The following OTOL1 variants were observed in gnomAD, a reference collection of about 807,000 sequenced individuals.
OTOL1 encodes the protein otolin 1.
A neutral mutation model predicts 25.0 loss-of-function variants in OTOL1; 31 were observed. That is an observed-to-expected ratio of 1.24 (90% CI 0.93 to 1.67). OTOL1 has a LOEUF of 1.67. Ranked by LOEUF, OTOL1 falls within the 40% of genes most tolerant of loss-of-function variation. The pLI is 0.00. For synonymous variants in OTOL1, 225 were observed against 210.3 expected, an observed-to-expected ratio of 1.07 and a Z score of -0.61; for missense variants, 654 against 587.7, an observed-to-expected ratio of 1.11 and a Z score of -1.17.
chr3:161,499,282 A>G, intron 2 of OTOL1, 22 bp downstream of exon 2: 1 of 1,546,594 alleles, frequency 6.5e-7, no homozygotes, highest in East Asian at 2.3e-5. Context: ...ATTCATGTCA[A>G]AACTCAAGGG....
intron 1 of OTOL1, 136 bp from the exon 2 acceptor site, chr3:161,499,035 G>A: frequency 4.1e-6 from 3 of 724,532 alleles, no homozygotes; most frequent in East Asian, 2.7e-5. Context: ...ACTCTGTGTG[G>A]TTTATTCTTA....
At chr3:161,500,912 G>A (rs756046998) in intron 2 of OTOL1, among the ~76,000 whole-genome samples, 6 of 152,166 alleles carry the variant, frequency 3.9e-5, no homozygotes, top group African/African-American at 9.7e-5. Flanking sequence ...ACTGGAGGGA[G>A]TCTATTCTCA....
chr3:161,500,294 T>G (rs879728925), intron 2 of OTOL1, among the ~76,000 whole-genome samples: 2 of 152,164 alleles, frequency 1.3e-5, no homozygotes, highest in African/African-American at 2.4e-5. Flanking sequence ...CTTGGAAACA[T>G]TTAATCCTTT....
chr3:161,503,702 G>A lies in OTOL1; in HGVS notation c.1194G>A (p.Gly398=), dbSNP rs370017835. Residue 398 remains glycine (G), a synonymous_variant, in exon 4 of 4, where the codon GGG becomes GGA. Coordinates refer to ENST00000327928, the MANE Select transcript of OTOL1 (RefSeq NM_001080440.1). ...YVFSYHITVR[G]RPARISLVAQ... ...TTTCCTACCATATTACGGTGAGGGGGCGACCTGCTCGAATCAGTCTGGTGG... is the reference window on the plus strand; with the variant it reads ...TTTCCTACCATATTACGGTGAGGGGACGACCTGCTCGAATCAGTCTGGTGG... 4.1e-5 allele frequency: 66 copies of A among 1,613,520 alleles called. No homozygotes were observed. Among genetic ancestry groups the A allele is most frequent in the Non-Finnish European group, 5.3e-5 (62 of 1,179,752 alleles).
intron 3 of OTOL1, among the ~76,000 whole-genome samples, chr3:161,502,607 C>G (rs975346169): frequency 2.6e-5 from 4 of 152,126 alleles, no homozygotes; most frequent in African/African-American, 7.2e-5. Flanking sequence ...ATAAAAATCC[C>G]TCACTCGTTC....
At position 161,496,872 on chromosome 3, in the gene OTOL1, T is replaced by C. The variant is rs775178170; in HGVS notation, c.65T>C (p.Ile22Thr). The change falls in exon 1 of 4, where the codon ATA becomes ACA. Residue 22 changes from isoleucine (I) to threonine (T), a missense_variant. Ile to Thr is a moderately conservative substitution (Grantham distance 89). Transcript: ENST00000327928. The stretch of plus-strand genomic sequence containing the variant: ...TTGGCTATTGCTGGTATGAACACAA[T>C]AGCAAAGACCACACCACATACCAAA... ...IILAIAGMNTIAKTTPHTKFT... is the reference protein window; with the variant it reads ...IILAIAGMNTTAKTTPHTKFT... The C allele has an allele frequency of 5.6e-6, 9 of 1,612,516 alleles. No homozygotes were observed. The highest frequency in any genetic ancestry group is 1.7e-5 in the Admixed American group (1 of 59,694).
chr3:161,503,453 C>T lies in OTOL1; in HGVS notation c.945C>T (p.Asn315=). Residue 315 remains asparagine (N), a synonymous_variant, in exon 4 of 4, where the codon AAC becomes AAT. Transcript: ENST00000327928. ...GPTGPKGDIG[N]KGVRGPTGKK... ...CTGGGCCGAAGGGTGACATTGGCAA[C>T]AAAGGGGTCCGAGGCCCCACTGGGA... 1 of 1,613,530 alleles carries T rather than the reference C, an allele frequency of 6.2e-7. No homozygotes were observed. The highest frequency in any genetic ancestry group is 8.5e-7 in the Non-Finnish European group (1 of 1,179,720).
chr3:161,499,102 T>C, intron 1 of OTOL1, 69 bp from the exon 2 acceptor site: 1 of 1,250,262 alleles, frequency 8.0e-7, no homozygotes, highest in Admixed American at 2.2e-5. Flanking sequence ...ATGCTTTTTT[T>C]CTTTCCTGAA....
chr3:161,501,923 G>A (rs1266990168), intron 2 of OTOL1, among the ~76,000 whole-genome samples: 1 of 152,144 alleles, frequency 6.6e-6, no homozygotes, highest in African/African-American at 2.4e-5. Flanking sequence ...CTAAAGTGCA[G>A]CGGTGTGATC....
intron 1 of OTOL1, among the ~76,000 whole-genome samples, chr3:161,497,567 C>A (rs772029610): frequency 2.6e-5 from 4 of 152,018 alleles, no homozygotes; most frequent in Non-Finnish European, 4.4e-5. Context: ...ATTACCAGTA[C>A]AATTTTTTAA....
rs1719017555 is a variant in OTOL1, at chr3:161,503,183, C to T, written c.675C>T (p.Ala225=). 1 of 1,408,830 alleles carries T rather than the reference C, an allele frequency of 7.1e-7. No individual in the cohort carries two copies. Among genetic ancestry groups the T allele is most frequent in the Non-Finnish European group, 9.2e-7 (1 of 1,089,766 alleles). The allele number at this position is 1,408,830 out of a possible 1,614,324, so 87.3% of individuals were successfully genotyped here. Residue 225 remains alanine (A), a synonymous_variant, in exon 4 of 4, where the codon GCC becomes GCT. Coordinates refer to ENST00000327928, the MANE Select transcript of OTOL1 (RefSeq NM_001080440.1). ...GSPGLHGGPG[A]KGEKGEMGEK... is the part of the protein sequence containing the mutation. ...CTGGCCTGCACGGAGGGCCTGGCGC[C>T]AAGGGAGAGAAGGGGGAGATGGGGG...
chr3:161,497,657 T>A (rs1342147575), intron 1 of OTOL1, among the ~76,000 whole-genome samples: 1 of 152,032 alleles, frequency 6.6e-6, no homozygotes, highest in Non-Finnish European at 1.5e-5. Flanking sequence ...ATTTTCTGAG[T>A]GCTATTTGTA....
At chr3:161,498,336 C>G (rs1643965575) in intron 1 of OTOL1, among the ~76,000 whole-genome samples, 1 of 152,088 alleles carries the variant, frequency 6.6e-6, no homozygotes, top group Non-Finnish European at 1.5e-5. Flanking sequence ...AGGGTTCATT[C>G]TCTCCTCTAA....
At chr3:161,502,174 C>T (rs534842624) in intron 2 of OTOL1, 133 bp from the exon 3 acceptor site, 8 of 820,568 alleles carry the variant, frequency 9.7e-6, no homozygotes, top group African/African-American at 3.4e-5. Context: ...GGCGTACATT[C>T]TTTTTCCACA....
chr3:161,499,779 A>G (rs941382066), intron 2 of OTOL1, among the ~76,000 whole-genome samples: 2 of 152,172 alleles, frequency 1.3e-5, no homozygotes, highest in Non-Finnish European at 2.9e-5. Flanking sequence ...ACTTAATTAA[A>G]ACAGAAGTAA....
chr3:161,502,513 T>C (rs1246762955), intron 3 of OTOL1, 144 bp downstream of exon 3: 1 of 727,012 alleles, frequency 1.4e-6, no homozygotes, highest in Non-Finnish European at 2.3e-6. Flanking sequence ...GTGTACTGAC[T>C]CAGTGAAGGA....
In OTOL1 at chr3:161,499,097, T is replaced by G. The variant is rs548041232; in HGVS notation, c.365-74T>G. The G allele has an allele frequency of 3.2e-5, 39 of 1,224,416 alleles. 1 individual carries two copies. In the African/African-American group the frequency reaches 4.4e-4, roughly 14 times the overall value. 75.8% of individuals were successfully genotyped at this position (1,224,416 alleles called of 1,614,324 possible). ...TACTTATTGATTGCAGTAAAATGCT[T>G]TTTTTCTTTCCTGAACTAATGAACT... On this transcript the variant is annotated intron_variant, in intron 1 of 3. Coordinates refer to ENST00000327928, the MANE Select transcript of OTOL1 (RefSeq NM_001080440.1).
At chr3:161,500,799 T>A (rs1718956747) in intron 2 of OTOL1, among the ~76,000 whole-genome samples, 1 of 152,154 alleles carries the variant, frequency 6.6e-6, no homozygotes. Flanking sequence ...AAGGTTTAAT[T>A]TCCAAATTTT....
chr3:161,503,705 A>G lies in OTOL1; in HGVS notation c.1197A>G (p.Arg399=). ...VFSYHITVRG[R]PARISLVAQN... is the part of the protein sequence containing the mutation. ...CCTACCATATTACGGTGAGGGGGCG[A>G]CCTGCTCGAATCAGTCTGGTGGCCC... is the stretch of plus-strand genomic sequence containing the variant. The change falls in exon 4 of 4, where the codon CGA becomes CGG. Residue 399 remains arginine (R), a synonymous_variant. Coordinates refer to ENST00000327928, the MANE Select transcript of OTOL1 (RefSeq NM_001080440.1). The G allele has an allele frequency of 6.2e-7, 1 of 1,613,664 alleles. No individual in the cohort carries two copies. Among genetic ancestry groups the G allele is most frequent in the Non-Finnish European group, 8.5e-7 (1 of 1,179,762 alleles).
Sources: allele counts gnomAD v4.1 joint callset (sites outside exome capture counted in the v4.1 genomes callset), GRCh38; gene constraint gnomAD v4.1.1; transcripts MANE v1.5; gene names NCBI Gene and HGNC (gene_info 2026-07-23, HGNC 2026-07-21).